Variants in TTN observed in about 807,000 individuals in gnomAD.
TTN encodes the protein connectin.
A neutral mutation model predicts 3,223.0 loss-of-function variants in TTN; 1,525 were observed. The observed-to-expected ratio is 0.47, with a 90% CI of 0.45 to 0.49. TTN has a LOEUF of 0.49. Ranked by LOEUF, TTN falls within the 20% of genes least tolerant of loss-of-function variation. The pLI is 0.00. For synonymous variants in TTN, 14,094 were observed against 15,161.0 expected (o/e 0.93, Z 5.17); for missense variants, 40,786 against 43,424.0 (o/e 0.94, Z 5.40).
chr2:178,752,972 AAGCATGCGACATAGTAAT>A (rs1468723672), intron 47 of TTN, 134 bp downstream of exon 47: 155 of 477,822 alleles, frequency 3.2e-4, no homozygotes, highest in Admixed American at 9.3e-4. Flanking sequence ...ATTCTAAACC[AAGCATGCGACATAGTAAT>A]ATATACTCTA....
At chr2:178,745,335 G>T in intron 47 of TTN, 1 of 1,347,204 alleles carries the variant, frequency 7.4e-7, no homozygotes, top group Non-Finnish European at 9.6e-7. Context: ...GCCAAGGAGA[G>T]ATTTAATTGT....
chr2:178,531,296 C>A lies in TTN; in HGVS notation c.105319G>T (p.Ala35107Ser). 1 of 1,614,004 alleles carries A rather than the reference C, an allele frequency of 6.2e-7. No individual in the cohort carries two copies. ...EHSASAEMKS[A>S]ALEEKSLEEK... Reference sequence around the variant, plus strand: ...TCCAGTGACTTTTCTTCTAATGCAGCACTTTTCATTTCTGCAGATGCAGAG... The same window carrying A: ...TCCAGTGACTTTTCTTCTAATGCAGAACTTTTCATTTCTGCAGATGCAGAG... Residue 35107 changes from alanine to serine, a missense_variant, in exon 358 of 363, where the codon GCT (alanine) becomes TCT (serine). By Grantham distance (99) the Ala-to-Ser change is moderately conservative. Transcript: ENST00000589042.
In TTN at chr2:178,564,799, C is replaced by G; in HGVS notation, c.81333G>C (p.Gln27111His). 1 of 1,612,528 alleles carries G rather than the reference C, an allele frequency of 6.2e-7. No homozygotes were observed. Among genetic ancestry groups the G allele is most frequent in the Non-Finnish European group, 8.5e-7 (1 of 1,179,206 alleles). The change falls in exon 326 of 363, where the codon CAG becomes CAC. Residue 27111 changes from glutamine (Q) to histidine (H), a missense_variant. Transcript: ENST00000589042. ...CCCATAAAATACTGTTCTTTTCTTT[C>G]TGTTCAAGATGGTAGCCAATAATTT... ...GTKIIGYHLE[Q>H]KEKNSILWVK...
chr2:178,667,232 A>T lies in TTN; in HGVS notation c.35797+4T>A. On this transcript the variant is annotated splice_donor_region_variant and intron_variant, in intron 162 of 362. Transcript: ENST00000589042. ...TTTAGATTTTCCTAACTAGAGAATT[A>T]TACCTTCAGTTGGAGGATGTTCTGG... The T allele has an allele frequency of 6.3e-7, 1 of 1,592,310 alleles. No individual in the cohort carries two copies. Among genetic ancestry groups the T allele is most frequent in the Non-Finnish European group, 8.6e-7 (1 of 1,168,760 alleles).
At chr2:178,704,006 A>C in intron 106 of TTN, 141 bp downstream of exon 106, 1 of 1,081,512 alleles carries the variant, frequency 9.2e-7, no homozygotes, top group South Asian at 1.9e-5. Flanking sequence ...CTTTGAGATG[A>C]ATACTATGAG....
intron 49 of TTN, among the ~76,000 whole-genome samples, chr2:178,736,650 C>T (rs910041069): frequency 1.3e-5 from 2 of 152,146 alleles, no homozygotes; most frequent in Non-Finnish European, 2.9e-5. Flanking sequence ...ACTTTCAGAA[C>T]CTCTCTTTTT....
In TTN at chr2:178,607,912, C is replaced by T. The variant is rs760138794; in HGVS notation, c.52875G>A (p.Lys17625=). The T allele has an allele frequency of 1.2e-6, 2 of 1,613,072 alleles. No individual in the cohort carries two copies. The highest frequency in any genetic ancestry group is 1.7e-6 in the Non-Finnish European group (2 of 1,179,352). Residue 17625 remains lysine (K), a synonymous_variant, in exon 276 of 363, where the codon AAG becomes AAA. Transcript: ENST00000589042. ...TTTCTTTGACGGTGTACTGACGGAC[C>T]TTGATCATCTTCTCTGTGCAGCGTG... is the stretch of plus-strand genomic sequence containing the variant. ...EWSRCTEKMI[K]VRQYTVKEIR...
Position 178,551,042 on chromosome 2 carries a change from T to C in TTN, c.91489A>G (p.Ile30497Val). The C allele has an allele frequency of 6.2e-7, 1 of 1,613,442 alleles. No homozygotes were observed. The highest frequency in any genetic ancestry group is 8.5e-7 in the Non-Finnish European group (1 of 1,179,640). ...ATAGTTCCAACAGCATTTCTTGCAA[T>C]TATTCTGAACTCATAGCGATCCCCA... ...SPGDRYEFRI[I>V]ARNAVGTISP... The change falls in exon 336 of 363, where the codon ATT (isoleucine) becomes GTT (valine). Residue 30497 changes from isoleucine (I) to valine (V), a missense_variant. Coordinates refer to ENST00000589042, the MANE Select transcript of TTN (RefSeq NM_001267550.2).
At chr2:178,784,823 A>C (rs2093050559) in intron 15 of TTN, among the ~76,000 whole-genome samples, 1 of 152,182 alleles carries the variant, frequency 6.6e-6, no homozygotes, top group Non-Finnish European at 1.5e-5. Context: ...ATTCAGAAAA[A>C]ATATTTTAAA....
intron 288 of TTN, 131 bp downstream of exon 288, chr2:178,600,723 G>A: frequency 3.9e-6 from 4 of 1,021,228 alleles, no homozygotes; most frequent in Non-Finnish European, 6.1e-6. Flanking sequence ...TAAGTAATGT[G>A]CCCATGTCTA....
At chr2:178,721,653 TAG>T (rs2078393679) in intron 78 of TTN, among the ~76,000 whole-genome samples, 192 bp downstream of exon 78, 1 of 152,134 alleles carries the variant, frequency 6.6e-6, no homozygotes, top group African/African-American at 2.4e-5. Context: ...AGATTACACT[TAG>T]AGTTACACTA....
chr2:178,799,993 T>C (rs1401706809), intron 4 of TTN, 83 bp from the exon 5 acceptor site: 1 of 1,462,622 alleles, frequency 6.8e-7, no homozygotes. Context: ...GACTACAAAG[T>C]CAAAAAGATT....
rs2046780936 is a variant in TTN, at chr2:178,577,865, G to C, written c.68561C>G (p.Thr22854Arg). The change falls in exon 323 of 363, where the codon ACA becomes AGA. Residue 22854 changes from threonine (T) to arginine (R), a missense_variant. Transcript: ENST00000589042. ...PPGKPEVINI[T>R]RNSVTLIWTE... ...CCAAATGAGAGTCACTGAATTCCTT[G>C]TTATGTTAATAACCTCAGGTTTTCC... is the stretch of plus-strand genomic sequence containing the variant. 6.3e-7 allele frequency: 1 copy of C among 1,594,124 alleles called. No individual in the cohort carries two copies. Among genetic ancestry groups the C allele is most frequent in the Non-Finnish European group, 8.5e-7 (1 of 1,170,050 alleles).
rs758435347 is a variant in TTN at position 178,712,172 on chromosome 2, C to T, written c.27658G>A (p.Asp9220Asn). 4.3e-6 allele frequency: 7 copies of T among 1,613,762 alleles called. No homozygotes were observed. Among genetic ancestry groups the T allele is most frequent in the Non-Finnish European group, 5.9e-6 (7 of 1,179,768 alleles). Residue 9220 changes from aspartate (D) to asparagine (N), a missense_variant, in exon 96 of 363, where the codon GAT becomes AAT. Physicochemically the swap from Asp to Asn is conservative, Grantham distance 23. Transcript: ENST00000589042. ...QLEPVKVSVGDSASLQCQLAG... is the reference protein window; with the variant it reads ...QLEPVKVSVGNSASLQCQLAG... ...AGCTGGCATTGTAGAGAGGCAGAAT[C>T]TCCAACAGACACCTTAACCGGCTCC... is the stretch of plus-strand genomic sequence containing the variant.
chr2:178,689,469 G>C, intron 123 of TTN, 46 bp downstream of exon 123: 1 of 1,600,946 alleles, frequency 6.2e-7, no homozygotes, highest in Admixed American at 1.7e-5. Context: ...AATTAAAGAG[G>C]CTTGAAGGAA....
Position 178,790,123 on chromosome 2 carries a change from T to A in TTN, c.1801-8A>T. The A allele has an allele frequency of 6.2e-7, 1 of 1,610,644 alleles. No individual in the cohort carries two copies. The highest frequency in any genetic ancestry group is 8.5e-7 in the Non-Finnish European group (1 of 1,178,414). On this transcript the variant is annotated splice_polypyrimidine_tract_variant and splice_region_variant and intron_variant, in intron 11 of 362. Coordinates refer to ENST00000589042, the MANE Select transcript of TTN (RefSeq NM_001267550.2). Reference sequence around the variant, plus strand: ...CCTAGTTTCCTTCATTATCTGATCATACAAAAGAAAGTAAGAAAATAGTCA... The same window carrying A: ...CCTAGTTTCCTTCATTATCTGATCAAACAAAAGAAAGTAAGAAAATAGTCA...
intron 149 of TTN, 127 bp downstream of exon 149, chr2:178,675,544 G>C (rs2067891276): frequency 1.4e-6 from 1 of 734,618 alleles, no homozygotes. Flanking sequence ...GGGTGCAAAA[G>C]AGTCAGAAAT....
Position 178,597,690 on chromosome 2 carries a change from C to T in TTN, c.57392G>A (p.Arg19131Lys). 1 of 1,613,332 alleles carries T rather than the reference C, an allele frequency of 6.2e-7. No individual in the cohort carries two copies. Among genetic ancestry groups the T allele is most frequent in the Non-Finnish European group, 8.5e-7 (1 of 1,179,556 alleles). The change falls in exon 294 of 363, where the codon AGA becomes AAA. Residue 19131 changes from arginine (R) to lysine (K), a missense_variant. Physicochemically the swap from Arg to Lys is conservative, Grantham distance 26. Coordinates refer to ENST00000589042, the MANE Select transcript of TTN (RefSeq NM_001267550.2). ...AATGGTGGCTTCTTGAGGTAAGGTT[C>T]TTTCATTCATGTTCCAGGTGACGGT... ...PPTVTWNMNE[R>K]TLPQEATIET... is the part of the protein sequence containing the mutation.
In TTN at chr2:178,636,856, C is replaced by T. The variant is rs550328936; in HGVS notation, c.40928-57G>A. 305 of 1,497,412 alleles carry T rather than the reference C, an allele frequency of 2.0e-4. No individual in the cohort carries two copies. The highest frequency in any genetic ancestry group is 3.6e-4 in the Middle Eastern group (2 of 5,494). 92.8% of individuals were successfully genotyped at this position (1,497,412 alleles called of 1,614,324 possible). A position where few individuals can be genotyped will look rare whatever the true frequency, so the allele number is the denominator to read the frequency against. ...GCATCTCCTTAGGAGTCAGAAAGTT[C>T]ATACTTGGCTGCCTGCTGGATAAAA... On this transcript the variant is annotated intron_variant, in intron 224 of 362. Transcript: ENST00000589042. This position sits in a 1 kb window ranked among gnomAD's most constrained non-coding sequence, Gnocchi z 4.3.
Sources: allele counts gnomAD v4.1 joint callset (sites outside exome capture counted in the v4.1 genomes callset), GRCh38; gene constraint gnomAD v4.1.1; non-coding constraint Gnocchi (gnomAD v3.1); transcripts MANE v1.5; gene names NCBI Gene and HGNC (gene_info 2026-07-23, HGNC 2026-07-21).